PDE4B: variants seen among roughly 807,000 people sequenced by gnomAD.
PDE4B encodes the protein phosphodiesterase 4B.
Under a neutral mutation model 82.2 loss-of-function variants are expected in PDE4B, and 20 were observed. That is an observed-to-expected ratio of 0.24 (90% confidence interval 0.17 to 0.35). The LOEUF is 0.35. Ranked by LOEUF, PDE4B falls within the 10% of genes least tolerant of loss-of-function variation. The pLI, the probability that PDE4B is intolerant of heterozygous loss-of-function variation, is 1.00. For synonymous variants in PDE4B, 320 were observed against 318.9 expected (o/e 1.00, Z -0.04); for missense variants, 655 against 907.2 (o/e 0.72, Z 3.57).
At chr1:66,001,265 A>T (rs1651847222) in intron 3 of PDE4B, among the ~76,000 whole-genome samples, 1 of 152,176 alleles carries the variant, frequency 6.6e-6, no homozygotes, top group Admixed American at 6.5e-5. Context: ...AACACCTTTT[A>T]CCTAGATATA....
chr1:65,884,975 A>G (rs1646754975), intron 1 of PDE4B, among the ~76,000 whole-genome samples: 1 of 152,258 alleles, frequency 6.6e-6, no homozygotes, highest in Non-Finnish European at 1.5e-5. Flanking sequence ...ATAAAGGGCT[A>G]ATATCCAGAA....
rs564826886 is a variant in PDE4B, at chr1:65,941,302, G to A, written c.281+22467G>A. ...AATGCCTGGATCCTGGGACAGCTTC[G>A]CTCTCAGAAACTCATAATCTCCCAC... On this transcript the variant is annotated intron_variant, in intron 3 of 16. Transcript: ENST00000341517. 2.0e-4 allele frequency among the ~76,000 whole-genome samples: 31 copies of A among 152,072 alleles called. 1 individual carries two copies. The highest frequency in any genetic ancestry group is 7.2e-4 in the African/African-American group (30 of 41,506).
At chr1:66,007,805 T>C (rs1223257727) in intron 3 of PDE4B, among the ~76,000 whole-genome samples, 1 of 152,188 alleles carries the variant, frequency 6.6e-6, no homozygotes, top group African/African-American at 2.4e-5. Flanking sequence ...ATATTTCTTA[T>C]ATCATTTAGT....
At chr1:65,979,520 C>G (rs995319123) in intron 3 of PDE4B, among the ~76,000 whole-genome samples, 12 of 152,168 alleles carry the variant, frequency 7.9e-5, no homozygotes, top group Non-Finnish European at 7.3e-5. Flanking sequence ...TCAGTGGTAC[C>G]CTAGCAGTGT....
At chr1:65,853,458 CTTCTT>C (rs1166790048) in intron 1 of PDE4B, among the ~76,000 whole-genome samples, 1 of 150,838 alleles carries the variant, frequency 6.6e-6, no homozygotes, top group African/African-American at 2.4e-5. Context: ...CTTTTTGTGA[CTTCTT>C]TTATTTTAGT....
intron 9 of PDE4B, among the ~76,000 whole-genome samples, chr1:66,356,693 A>C (rs912530885): frequency 3.3e-5 from 5 of 152,218 alleles, no homozygotes; most frequent in African/African-American, 9.6e-5. Context: ...ACACCAAAGC[A>C]GTTCTTGCTA....
At chr1:66,231,768 A>C (rs959011703) in intron 3 of PDE4B, among the ~76,000 whole-genome samples, 6 of 152,228 alleles carry the variant, frequency 3.9e-5, no homozygotes, top group Non-Finnish European at 7.3e-5. Context: ...AAAAGTAAAG[A>C]CTTCTCTATT....
At chr1:66,357,721 A>T (rs1662368854) in intron 9 of PDE4B, among the ~76,000 whole-genome samples, 2 of 152,056 alleles carry the variant, frequency 1.3e-5, no homozygotes, top group South Asian at 4.1e-4. Flanking sequence ...GCAGATTAGA[A>T]TTTTAAATGT....
At chr1:65,852,465 T>C (rs1646342965) in intron 1 of PDE4B, among the ~76,000 whole-genome samples, 1 of 151,922 alleles carries the variant, frequency 6.6e-6, no homozygotes, top group African/African-American at 2.4e-5. Context: ...TGTTTTTATC[T>C]TTTTTTCCTT....
chr1:65,927,131 A>G (rs551294183), intron 3 of PDE4B, among the ~76,000 whole-genome samples: 1 of 117,256 alleles, frequency 8.5e-6, no homozygotes, highest in East Asian at 2.5e-4. Flanking sequence ...TTATTCATTA[A>G]GAAGAAAAAT....
intron 3 of PDE4B, among the ~76,000 whole-genome samples, chr1:66,238,439 T>C (rs1652633961): frequency 1.3e-5 from 2 of 152,116 alleles, no homozygotes; most frequent in Non-Finnish European, 2.9e-5. Flanking sequence ...GATTTTATTA[T>C]TGTGTTAAAA....
intron 3 of PDE4B, among the ~76,000 whole-genome samples, chr1:65,962,682 A>G (rs1649603061): frequency 6.6e-6 from 1 of 152,182 alleles, no homozygotes; most frequent in African/African-American, 2.4e-5. Flanking sequence ...CAAAGATGGA[A>G]TATTATGAAA....
chr1:66,209,290 C>T (rs1649824879), intron 3 of PDE4B, among the ~76,000 whole-genome samples: 1 of 152,178 alleles, frequency 6.6e-6, no homozygotes, highest in African/African-American at 2.4e-5. Flanking sequence ...GTTTCTGCTA[C>T]ATGCTTGGAA....
intron 3 of PDE4B, among the ~76,000 whole-genome samples, chr1:66,132,073 T>C (rs1208777806): frequency 6.6e-6 from 1 of 152,196 alleles, no homozygotes; most frequent in Admixed American, 6.5e-5. Flanking sequence ...ACTTGTGGGC[T>C]AGGAAAGAGA....
At chr1:65,884,791 T>TTC (rs2100356024) in intron 1 of PDE4B, among the ~76,000 whole-genome samples, 1 of 152,284 alleles carries the variant, frequency 6.6e-6, no homozygotes, top group Non-Finnish European at 1.5e-5. Flanking sequence ...ATTCAGGACA[T>TTC]AGGCATGGGC....
chr1:66,266,207 G>A, intron 7 of PDE4B, 120 bp downstream of exon 7: 1 of 778,890 alleles, frequency 1.3e-6, no homozygotes, highest in Admixed American at 2.0e-5. Context: ...TCAAAAGTAT[G>A]TCTCTTGGTG....
intron 3 of PDE4B, among the ~76,000 whole-genome samples, chr1:65,931,668 C>T (rs1647841543): frequency 1.3e-5 from 2 of 152,198 alleles, no homozygotes; most frequent in African/African-American, 4.8e-5. Context: ...ACTGAGAAAT[C>T]CAAAACTAGT....
chr1:65,833,355 T>C (rs934096967), intron 1 of PDE4B, among the ~76,000 whole-genome samples: 1 of 152,214 alleles, frequency 6.6e-6, no homozygotes, highest in Non-Finnish European at 1.5e-5. Context: ...ACTTCTCCCC[T>C]CACCAGACTT....
intron 3 of PDE4B, among the ~76,000 whole-genome samples, chr1:66,056,436 T>C (rs567050404): frequency 6.6e-6 from 1 of 152,082 alleles, no homozygotes; most frequent in Non-Finnish European, 1.5e-5. Flanking sequence ...GAAGGCAGCA[T>C]CTAGACATGG....
Sources: gnomAD v4.1 joint callset for allele counts (sites outside exome capture counted in the v4.1 genomes callset) on GRCh38, gnomAD v4.1.1 for gene constraint, MANE v1.5 for transcripts, NCBI Gene and HGNC (gene_info 2026-07-23, HGNC 2026-07-21) for gene names.